The following EPG5 variants were observed in gnomAD, a reference collection of about 807,000 sequenced individuals.
The protein encoded by EPG5 is ectopic P granules protein 5 homolog.
EPG5 carries 159 observed loss-of-function variants against 302.7 expected under a neutral mutation model. That is an observed-to-expected ratio of 0.53 (90% CI 0.46 to 0.60). EPG5 has a LOEUF of 0.60. Among genes scored for constraint, EPG5 ranks in the 20% least tolerant of loss-of-function variants. The pLI is 0.00. For missense variants in EPG5, 2,896 were observed against 3,092.4 expected, an observed-to-expected ratio of 0.94 and a Z score of 1.51; for synonymous variants, 1,158 against 1,136.8, an observed-to-expected ratio of 1.02 and a Z score of -0.37.
chr18:45,818,097 C>A, the EPG5 span, among the ~76,000 whole-genome samples: 2 of 152,130 alleles, frequency 1.3e-5, no homozygotes, highest in Non-Finnish European at 2.9e-5. Flanking sequence ...TCTTGAGAAT[C>A]TTCCTAAATC....
chr18:45,937,626 T>C (rs199697573), intron 10 of EPG5, among the ~76,000 whole-genome samples: 1 of 151,908 alleles, frequency 6.6e-6, no homozygotes, highest in African/African-American at 2.4e-5. Context: ...AGGCTGGTCT[T>C]GAACTCCTGA....
chr18:45,884,181 G>C (rs771468697), intron 30 of EPG5, among the ~76,000 whole-genome samples: 1 of 151,990 alleles, frequency 6.6e-6, no homozygotes, highest in African/African-American at 2.4e-5. Flanking sequence ...TATACAACAG[G>C]GATCCCCAAG....
At chr18:45,808,863 G>A in the EPG5 span, among the ~76,000 whole-genome samples, 19 of 152,172 alleles carry the variant, frequency 1.2e-4, no homozygotes, top group East Asian at 9.6e-4. Context: ...ACAAATAGCC[G>A]ATGAATGGAA....
At position 45,848,332 on chromosome 18, in the gene EPG5, G is replaced by A. The variant is rs1328307519; in HGVS notation, c.*4135C>T. On this transcript the variant is annotated 3_prime_UTR_variant, in exon 44 of 44. Coordinates refer to ENST00000282041, the MANE Select transcript of EPG5 (RefSeq NM_020964.3). ...AAAATGAAGAGCAGGCAGTAGTAGA[G>A]GATTAAGGGCAAAGTGCCTTGTTGT... 6.6e-6 allele frequency: 1 copy of A among 152,212 alleles called. No individual in the cohort carries two copies. The highest frequency in any genetic ancestry group is 2.4e-5 in the African/African-American group (1 of 41,456). 9.4% of individuals were successfully genotyped at this position (152,212 alleles called of 1,614,324 possible).
the EPG5 span, chr18:45,829,146 C>G: frequency 1.0e-6 from 1 of 985,498 alleles, no homozygotes; most frequent in Non-Finnish European, 1.2e-6. Context: ...GGCCCCACAG[C>G]AGGGTCAGCC....
At chr18:45,846,349 C>T (rs185767622), downstream of EPG5, among the ~76,000 whole-genome samples, 94 of 151,968 alleles carry the variant, frequency 6.2e-4, no homozygotes, top group Non-Finnish European at 1.2e-3. Flanking sequence ...GGCGAAACCC[C>T]GCCTCTACTA....
At chr18:45,895,758 G>A (rs2049456669) in intron 27 of EPG5, among the ~76,000 whole-genome samples, 1 of 152,040 alleles carries the variant, frequency 6.6e-6, no homozygotes, top group African/African-American at 2.4e-5. Flanking sequence ...CTATATAGAG[G>A]GCTACAGTTT....
chr18:45,902,618 GA>G (rs1462923120), intron 25 of EPG5, among the ~76,000 whole-genome samples: 29 of 152,210 alleles, frequency 1.9e-4, no homozygotes, highest in Non-Finnish European at 7.4e-5. Flanking sequence ...GGGTGCTAGT[GA>G]AATTTTTCCT....
At chr18:45,863,947 C>G (rs1450959402) in intron 39 of EPG5, among the ~76,000 whole-genome samples, 1 of 152,142 alleles carries the variant, frequency 6.6e-6, no homozygotes, top group South Asian at 2.1e-4. Context: ...TTGAGGATTG[C>G]TGTCTTCATC....
rs2049873754 is a variant in EPG5, at chr18:45,910,734, A to G, written c.3992T>C (p.Ile1331Thr). The change falls in exon 23 of 44, where the codon ATA (isoleucine) becomes ACA (threonine). Residue 1331 changes from isoleucine (I) to threonine (T), a missense_variant. By Grantham distance (89) the Ile-to-Thr change is moderately conservative. Coordinates refer to ENST00000282041, the MANE Select transcript of EPG5 (RefSeq NM_020964.3). ...HRPGPQYGLP[I>T]DGCIGRRFFQ... ...AAACCTTCTTCCAATACAACCATCTATGGGTAACCTTAAAAAACACAAGCA... is the reference window on the plus strand; with the variant it reads ...AAACCTTCTTCCAATACAACCATCTGTGGGTAACCTTAAAAAACACAAGCA... The G allele has an allele frequency of 6.2e-7, 1 of 1,613,346 alleles. No homozygotes were observed.
At chr18:45,894,924 T>C (rs1044592816) in intron 27 of EPG5, among the ~76,000 whole-genome samples, 1 of 152,188 alleles carries the variant, frequency 6.6e-6, no homozygotes. Context: ...ATCAGATCTA[T>C]GTTTCAAAAG....
At chr18:45,954,001 A>G (rs948277005) in intron 2 of EPG5, 2 of 825,636 alleles carry the variant, frequency 2.4e-6, no homozygotes, top group Non-Finnish European at 2.9e-6. Context: ...TGCTTGGCCT[A>G]CACTGTCTGT....
At chr18:45,958,051 A>G (rs1316220085) in intron 1 of EPG5, among the ~76,000 whole-genome samples, 3 of 152,238 alleles carry the variant, frequency 2.0e-5, no homozygotes, top group Non-Finnish European at 2.9e-5. Context: ...TGAGTTGACA[A>G]TCAGAAAATG....
At chr18:45,842,475 T>C in the EPG5 span, 6 of 376,418 alleles carry the variant, frequency 1.6e-5, no homozygotes, top group South Asian at 2.8e-4. Flanking sequence ...ACGCATTAGC[T>C]TGAGCGTGAA....
the EPG5 span, among the ~76,000 whole-genome samples, chr18:45,826,916 T>C: frequency 6.6e-6 from 1 of 152,032 alleles, no homozygotes; most frequent in African/African-American, 2.4e-5. Flanking sequence ...CTCTGTTTGT[T>C]TGTTTGTTTC....
At chr18:45,923,465 G>A (rs1434859099) in intron 14 of EPG5, 78 bp from the exon 15 acceptor site, 2 of 1,447,452 alleles carry the variant, frequency 1.4e-6, no homozygotes, top group South Asian at 1.2e-5. Flanking sequence ...AAAACATTAG[G>A]CAGAATAGTA....
downstream of EPG5, among the ~76,000 whole-genome samples, chr18:45,846,508 C>CAA (rs1394060879): frequency 1.2e-5 from 1 of 85,482 alleles, no homozygotes; most frequent in Non-Finnish European, 2.0e-5. Flanking sequence ...GCAACAAGAG[C>CAA]AAAACTCCCT....
intron 12 of EPG5, among the ~76,000 whole-genome samples, chr18:45,929,786 G>A (rs149235773): frequency 3.7e-3 from 568 of 152,168 alleles, no homozygotes; most frequent in African/African-American, 0.013. Flanking sequence ...CAGATCCATC[G>A]AGATCTTAAC....
Position 45,880,125 on chromosome 18 carries a change from C to T in EPG5, c.5617G>A (p.Glu1873Lys), listed in dbSNP as rs370720753. ...PSCQQGAAST[E>K]GAVLPSSSDA... ...GAAGAGCTGGGAAGCACGGCGCCCT[C>T]GGTGGACGCTGCCCCCTGCTGGCAG... is the stretch of plus-strand genomic sequence containing the variant. The change falls in exon 32 of 44, where the codon GAG becomes AAG. Residue 1873 changes from glutamate (E) to lysine (K), a missense_variant. Coordinates refer to ENST00000282041, the MANE Select transcript of EPG5 (RefSeq NM_020964.3). 4 of 1,611,006 alleles carry T rather than the reference C, an allele frequency of 2.5e-6. 1 individual carries two copies. Among genetic ancestry groups the T allele is most frequent in the Admixed American group, 3.3e-5 (2 of 59,844 alleles).
Sources: allele counts gnomAD v4.1 joint callset (sites outside exome capture counted in the v4.1 genomes callset), GRCh38; gene constraint gnomAD v4.1.1; transcripts MANE v1.5; gene names NCBI Gene and HGNC (gene_info 2026-07-23, HGNC 2026-07-21).